LRRIQ3: variants seen among roughly 807,000 people sequenced by gnomAD.
The protein encoded by LRRIQ3 is leucine rich repeats and IQ motif containing 3.
Under a neutral mutation model 59.3 loss-of-function variants are expected in LRRIQ3, and 75 were observed. That is an observed-to-expected ratio of 1.26 (90% confidence interval 1.05 to 1.53). LRRIQ3 has a LOEUF of 1.53. Ranked by LOEUF, LRRIQ3 falls within the 40% of genes most tolerant of loss-of-function variation. The pLI, the probability that LRRIQ3 is intolerant of heterozygous loss-of-function variation, is 0.00. For synonymous variants in LRRIQ3, 250 were observed against 231.3 expected (o/e 1.08, Z -0.73); for missense variants, 831 against 710.0 (o/e 1.17, Z -1.94).
chr1:74,159,046 C>T (rs1272145439), intron 3 of LRRIQ3, among the ~76,000 whole-genome samples: 2 of 152,052 alleles, frequency 1.3e-5, no homozygotes, highest in Non-Finnish European at 2.9e-5. Flanking sequence ...TCAGACCATA[C>T]CACTTTTCTT....
chr1:74,182,952 T>C (rs1650089790), intron 2 of LRRIQ3, 91 bp from the exon 3 acceptor site: 1 of 656,280 alleles, frequency 1.5e-6, no homozygotes, highest in Non-Finnish European at 2.4e-6. Context: ...TAAAATTCAA[T>C]ATTCCCCAAA....
At chr1:74,167,758 T>C (rs1649079981) in intron 3 of LRRIQ3, among the ~76,000 whole-genome samples, 1 of 151,670 alleles carries the variant, frequency 6.6e-6, no homozygotes, top group African/African-American at 2.4e-5. Context: ...AAAAACCTAT[T>C]CAAATGATAA....
rs377139609 is a variant in LRRIQ3 at position 74,094,702 on chromosome 1, C to G, written c.867+14692G>C. Reference sequence around the variant, plus strand: ...GCTGAGAAATGCAAATTAATCCAGACAGCTAAAATTTGGGGATGCTATTAG... The same window carrying G: ...GCTGAGAAATGCAAATTAATCCAGAGAGCTAAAATTTGGGGATGCTATTAG... On this transcript the variant is annotated intron_variant, in intron 5 of 7. Transcript: ENST00000354431. 1.2e-3 allele frequency among the ~76,000 whole-genome samples: 183 copies of G among 152,178 alleles called. 1 individual carries two copies. Among genetic ancestry groups the G allele is most frequent in the African/African-American group, 4.3e-3 (180 of 41,550 alleles).
chr1:74,044,057 C>A (rs939851447), intron 6 of LRRIQ3, among the ~76,000 whole-genome samples: 13 of 151,954 alleles, frequency 8.6e-5, no homozygotes, highest in African/African-American at 3.1e-4. Flanking sequence ...TATGTTTTTC[C>A]TGATAGAATT....
chr1:74,111,258 C>A (rs980760385), intron 4 of LRRIQ3, among the ~76,000 whole-genome samples: 13 of 151,638 alleles, frequency 8.6e-5, no homozygotes, highest in Non-Finnish European at 1.8e-4. Context: ...TATGTAGAGA[C>A]AGATAGTATA....
At chr1:74,163,383 T>C (rs1648772793) in intron 3 of LRRIQ3, among the ~76,000 whole-genome samples, 1 of 151,594 alleles carries the variant, frequency 6.6e-6, no homozygotes, top group African/African-American at 2.4e-5. Flanking sequence ...TGGTAAACAC[T>C]GAGGTACAAG....
intron 7 of LRRIQ3, among the ~76,000 whole-genome samples, chr1:74,034,233 C>A (rs959751498): frequency 6.6e-5 from 10 of 151,936 alleles, no homozygotes; most frequent in Non-Finnish European, 1.5e-4. Context: ...TCAGAAGTCT[C>A]CAGTTAGATT....
Position 74,041,818 on chromosome 1 carries a change from T to C in LRRIQ3, c.1113A>G (p.Arg371=). ...CAGGAAAAAAATGTTGTTTTTTCTCTCTCAATACTGCATTATTCTTCAATG... is the reference window on the plus strand; with the variant it reads ...CAGGAAAAAAATGTTGTTTTTTCTCCCTCAATACTGCATTATTCTTCAATG... ...SGSLKNNAVL[R]EKKQHFFPAY... The change falls in exon 7 of 8, where the codon AGA becomes AGG. Residue 371 remains arginine (R), a synonymous_variant. Transcript: ENST00000354431. 1 of 1,613,610 alleles carries C rather than the reference T, an allele frequency of 6.2e-7. No individual in the cohort carries two copies. Among genetic ancestry groups the C allele is most frequent in the East Asian group, 2.2e-5 (1 of 44,818 alleles).
At chr1:74,061,918 C>T (rs1056048713) in intron 6 of LRRIQ3, among the ~76,000 whole-genome samples, 1 of 152,122 alleles carries the variant, frequency 6.6e-6, no homozygotes, top group Admixed American at 6.6e-5. Context: ...CCTGTAGTCA[C>T]AGCTACTAGA....
chr1:74,037,928 G>A (rs925616844), intron 7 of LRRIQ3, among the ~76,000 whole-genome samples: 3 of 152,208 alleles, frequency 2.0e-5, no homozygotes, highest in African/African-American at 7.2e-5. Flanking sequence ...CACTCAACTA[G>A]AATCTGCTTA....
At chr1:74,126,428 T>C (rs1311642763) in intron 4 of LRRIQ3, among the ~76,000 whole-genome samples, 1 of 151,906 alleles carries the variant, frequency 6.6e-6, no homozygotes, top group East Asian at 1.9e-4. Flanking sequence ...TTTCTAGTTC[T>C]TTAAGATGCA....
At chr1:74,075,878 C>A (rs1040988201) in intron 5 of LRRIQ3, among the ~76,000 whole-genome samples, 1 of 152,160 alleles carries the variant, frequency 6.6e-6, no homozygotes, top group African/African-American at 2.4e-5. Context: ...GAGCTCCAAA[C>A]ACCATTTCAG....
At chr1:74,106,224 G>C (rs556110236) in intron 5 of LRRIQ3, among the ~76,000 whole-genome samples, 1 of 152,124 alleles carries the variant, frequency 6.6e-6, no homozygotes, top group African/African-American at 2.4e-5. Flanking sequence ...ACAACATATA[G>C]ACTGATTCTT....
At chr1:74,038,549 G>A (rs941610107) in intron 7 of LRRIQ3, among the ~76,000 whole-genome samples, 5 of 152,234 alleles carry the variant, frequency 3.3e-5, no homozygotes, top group African/African-American at 1.2e-4. Context: ...CCCTATACAT[G>A]AGCATTCCTA....
In LRRIQ3 at chr1:74,053,198, A is replaced by G. The variant is rs182222452; in HGVS notation, c.998-11265T>C. 2.7e-3 allele frequency among the ~76,000 whole-genome samples: 414 copies of G among 151,572 alleles called. 2 individuals are homozygous for G. The highest frequency in any genetic ancestry group is 9.5e-3 in the African/African-American group (395 of 41,412). ...ATGCCAAAAAAAAAAAAAAAAACAA[A>G]TTAATCTAGACATAGACCTTACACC... On this transcript the variant is annotated intron_variant, in intron 6 of 7. Transcript: ENST00000354431.
At chr1:74,045,423 A>G (rs1654170918) in intron 6 of LRRIQ3, among the ~76,000 whole-genome samples, 1 of 152,184 alleles carries the variant, frequency 6.6e-6, no homozygotes, top group Non-Finnish European at 1.5e-5. Flanking sequence ...CTTCATGCTA[A>G]AAATGTTCAA....
At chr1:74,195,781 T>C (rs993900446) in intron 1 of LRRIQ3, among the ~76,000 whole-genome samples, 3 of 152,196 alleles carry the variant, frequency 2.0e-5, no homozygotes, top group Admixed American at 2.0e-4. Context: ...TGGATTGATA[T>C]ATTTTACTCT....
At chr1:74,133,222 G>C (rs562286718) in intron 4 of LRRIQ3, among the ~76,000 whole-genome samples, 1 of 152,266 alleles carries the variant, frequency 6.6e-6, no homozygotes, top group Non-Finnish European at 1.5e-5. Context: ...ACAGGTGCTG[G>C]AGAGGATGTG....
intron 4 of LRRIQ3, among the ~76,000 whole-genome samples, chr1:74,122,190 A>G (rs1646869085): frequency 6.6e-6 from 1 of 152,196 alleles, no homozygotes; most frequent in African/African-American, 2.4e-5. Flanking sequence ...ACTAGTGTAC[A>G]GTCCCATCAA....
Sources: allele counts gnomAD v4.1 joint callset (sites outside exome capture counted in the v4.1 genomes callset), GRCh38; gene constraint gnomAD v4.1.1; transcripts MANE v1.5; gene names NCBI Gene and HGNC (gene_info 2026-07-23, HGNC 2026-07-21).